Variants in HDAC9 observed in about 807,000 individuals in gnomAD.
HDAC9 encodes MEF-2 interacting transcription repressor (MITR) protein.
In HDAC9, 41 loss-of-function variants were observed where a neutral mutation model predicts 139.4. The observed-to-expected ratio is 0.29, with a 90% confidence interval of 0.23 to 0.38. The LOEUF (loss-of-function observed/expected upper bound fraction) is 0.38, where lower values mean the gene tolerates loss of function less well. Among genes scored for constraint, HDAC9 ranks in the 10% least tolerant of loss-of-function variants. The pLI, the probability that HDAC9 is intolerant of heterozygous loss-of-function variation, is 1.00. For missense variants in HDAC9, 1,147 were observed against 1,297.0 expected (o/e 0.88, Z 1.78); for synonymous variants, 517 against 476.2 (o/e 1.09, Z -1.12).
At chr7:18,588,591 C>G (rs1232123506) in intron 3 of HDAC9, among the ~76,000 whole-genome samples, 1 of 152,160 alleles carries the variant, frequency 6.6e-6, no homozygotes, top group Non-Finnish European at 1.5e-5. Context: ...CTCAGCCACC[C>G]ATGTGGACAA....
intron 6 of HDAC9, among the ~76,000 whole-genome samples, chr7:18,607,406 A>G (rs1053650159): frequency 6.6e-6 from 1 of 152,252 alleles, no homozygotes; most frequent in Non-Finnish European, 1.5e-5. Context: ...TGTGACCTGC[A>G]CATAGTGCAG....
chr7:18,430,072 T>G (rs1216970503), intron 1 of HDAC9, among the ~76,000 whole-genome samples: 2 of 152,330 alleles, frequency 1.3e-5, no homozygotes, highest in Admixed American at 6.5e-5. Flanking sequence ...ATATTAGGAC[T>G]TTGAGGCTTC....
rs1372416838 is a variant in HDAC9, at chr7:18,496,315, A to T, written c.13A>T (p.Ile5Phe). ...GGCTCAGCAAAGAATGCACAGTATG[A>T]TCAGCTCAGGTAAGATCCTCTTTCA... MHSM[I>F]SSVDVKSEVP... is the part of the protein sequence containing the mutation. The change falls in exon 2 of 26, where the codon ATC becomes TTC. Residue 5 changes from isoleucine (I) to phenylalanine (F), a missense_variant. Coordinates refer to ENST00000686413, the MANE Select transcript of HDAC9 (RefSeq NM_178425.4). 6.2e-7 allele frequency: 1 copy of T among 1,613,100 alleles called. No individual in the cohort carries two copies. Among genetic ancestry groups the T allele is most frequent in the East Asian group, 2.2e-5 (1 of 44,854 alleles).
intron 13 of HDAC9, among the ~76,000 whole-genome samples, chr7:18,734,139 G>A (rs1419672741): frequency 6.6e-6 from 1 of 152,026 alleles, no homozygotes; most frequent in Non-Finnish European, 1.5e-5. Flanking sequence ...AATAGCATGT[G>A]TTCACTTCCT....
intron 1 of HDAC9, among the ~76,000 whole-genome samples, chr7:18,452,572 G>C (rs1204321892): frequency 6.6e-6 from 1 of 152,112 alleles, no homozygotes; most frequent in Non-Finnish European, 1.5e-5. Flanking sequence ...ATATGGTTTG[G>C]CTGTGTCCTC....
At chr7:18,459,032 A>G (rs2128108116) in intron 1 of HDAC9, 2 of 672,646 alleles carry the variant, frequency 3.0e-6, no homozygotes, top group South Asian at 3.6e-5. Context: ...TGCTTGACCC[A>G]GTTTTGCCAC....
chr7:18,847,262 T>C (rs1290558083), intron 21 of HDAC9, among the ~76,000 whole-genome samples: 3 of 152,210 alleles, frequency 2.0e-5, no homozygotes, highest in Non-Finnish European at 4.4e-5. Context: ...GTTACGCACA[T>C]ACATTCCTTA....
chr7:18,973,633 A>G (rs4141042), intron 24 of HDAC9, among the ~76,000 whole-genome samples: 25,482 of 152,092 alleles, frequency 0.17, 2,403 homozygotes, highest in East Asian at 0.41. Flanking sequence ...TTAGAGCTGG[A>G]TAGTATTTGG....
intron 12 of HDAC9, among the ~76,000 whole-genome samples, chr7:18,713,163 G>A (rs982415267): frequency 2.6e-5 from 4 of 152,114 alleles, no homozygotes; most frequent in African/African-American, 9.7e-5. Context: ...AAATAATTGT[G>A]AGAAATGAGT....
In HDAC9 at chr7:18,666,357, G is replaced by A. The variant is rs1794880653; in HGVS notation, c.1612G>A (p.Val538Met). The change falls in exon 12 of 26, where the codon GTG becomes ATG. Residue 538 changes from valine (V) to methionine (M), a missense_variant. Physicochemically the swap from Val to Met is conservative, Grantham distance 21 (BLOSUM62 1). Coordinates refer to ENST00000686413, the MANE Select transcript of HDAC9 (RefSeq NM_178425.4). The part of the protein sequence containing the change: ...NSTRSDSSAC[V>M]DDTLGQVGAV... ...CACTAGGAGCGACAGCAGTGCTTGTGTGGATGACACACTGGGACAAGTTGG... is the reference window on the plus strand; with the variant it reads ...CACTAGGAGCGACAGCAGTGCTTGTATGGATGACACACTGGGACAAGTTGG... The A allele has an allele frequency of 1.2e-6, 2 of 1,613,254 alleles. No individual in the cohort carries two copies. The highest frequency in any genetic ancestry group is 1.1e-5 in the South Asian group (1 of 91,080).
chr7:18,234,590 C>T (rs1036373097), intron 2 of HDAC9, among the ~76,000 whole-genome samples: 7 of 152,182 alleles, frequency 4.6e-5, no homozygotes, highest in African/African-American at 1.4e-4. Context: ...CGAGGCATAG[C>T]ATTTGACCAA....
intron 2 of HDAC9, among the ~76,000 whole-genome samples, chr7:18,513,658 G>A (rs1469995320): frequency 6.6e-6 from 1 of 152,178 alleles, no homozygotes; most frequent in African/African-American, 2.4e-5. Flanking sequence ...ATTTTCAGGA[G>A]GTTTAGCCAA....
intron 1 of HDAC9, among the ~76,000 whole-genome samples, chr7:18,338,813 A>G (rs1781778441): frequency 6.6e-6 from 1 of 151,460 alleles, no homozygotes; most frequent in African/African-American, 2.4e-5. Context: ...TTTAATTTTT[A>G]TGGAAGTTTA....
intron 2 of HDAC9, among the ~76,000 whole-genome samples, chr7:18,220,672 G>A (rs146602705): frequency 2.7e-4 from 41 of 152,290 alleles, no homozygotes; most frequent in African/African-American, 8.2e-4. Context: ...GATAGGAATG[G>A]TCTGATCAGA....
At chr7:18,132,468 G>A (rs533483060) in intron 1 of HDAC9, among the ~76,000 whole-genome samples, 35 of 152,080 alleles carry the variant, frequency 2.3e-4, no homozygotes, top group Non-Finnish European at 4.3e-4. Flanking sequence ...AAAGTGCAGC[G>A]GGTGATCACA....
chr7:18,667,437 G>A (rs1057334555), intron 12 of HDAC9: 19 of 983,940 alleles, frequency 1.9e-5, no homozygotes, highest in African/African-American at 1.0e-4. Context: ...GGCATATACC[G>A]TAACATTCTG....
At chr7:18,925,864 C>T (rs1043685017) in intron 22 of HDAC9, among the ~76,000 whole-genome samples, 1 of 151,808 alleles carries the variant, frequency 6.6e-6, no homozygotes, top group Non-Finnish European at 1.5e-5. Flanking sequence ...TATTCTATAG[C>T]AGATATATCA....
At chr7:18,917,423 T>C (rs990962882) in intron 22 of HDAC9, among the ~76,000 whole-genome samples, 2 of 151,888 alleles carry the variant, frequency 1.3e-5, no homozygotes, top group African/African-American at 4.8e-5. Context: ...CACAAATAAA[T>C]TGAAAATAGA....
chr7:18,382,957 A>G (rs1310316652), intron 1 of HDAC9, among the ~76,000 whole-genome samples: 2 of 152,208 alleles, frequency 1.3e-5, no homozygotes, highest in Non-Finnish European at 2.9e-5. Flanking sequence ...TTTAATTTGG[A>G]AAATCCGTGA....
Sources: gnomAD v4.1 joint callset for allele counts (sites outside exome capture counted in the v4.1 genomes callset) on GRCh38, gnomAD v4.1.1 for gene constraint, MANE v1.5 for transcripts, NCBI Gene and HGNC (gene_info 2026-07-23, HGNC 2026-07-21) for gene names.